The following CTSV variants were observed in gnomAD, a reference collection of about 807,000 sequenced individuals.
CTSV encodes cathepsin L2.
In CTSV, 33 loss-of-function variants were observed where a neutral mutation model predicts 35.6. That is an observed-to-expected ratio of 0.93 (90% CI 0.70 to 1.24). The LOEUF is 1.24. CTSV is among the 50% of genes most tolerant of loss of function. CTSV has a pLI of 0.00. For synonymous variants in CTSV, 154 were observed against 147.1 expected (o/e 1.05, Z -0.34); for missense variants, 408 against 413.1 (o/e 0.99, Z 0.11).
Position 97,038,067 on chromosome 9 carries a change from AGAAAT to A in CTSV, c.-10-19_-10-15del. On this transcript the variant is annotated splice_polypyrimidine_tract_variant and intron_variant, in intron 1 of 7. Coordinates refer to ENST00000259470, the MANE Select transcript of CTSV (RefSeq NM_001333.4). ...ATGTTTCAAAACCTAGAAAGAGAAA[AGAAAT>A]GAGTATCTGATTAGACCAATCCTAA... 6.2e-7 allele frequency: 1 copy of A among 1,611,560 alleles called. No individual in the cohort carries two copies. Among genetic ancestry groups the A allele is most frequent in the Non-Finnish European group, 8.5e-7 (1 of 1,178,146 alleles).
At chr9:97,034,876 G>A in intron 6 of CTSV, 33 bp from the exon 7 acceptor site, 2 of 1,554,622 alleles carry the variant, frequency 1.3e-6, no homozygotes, top group African/African-American at 1.4e-5. Context: ...GGGGTGAGAA[G>A]CTCCAAGCGA....
At chr9:97,035,729 C>A in intron 5 of CTSV, 36 bp from the exon 6 acceptor site, 1 of 1,330,710 alleles carries the variant, frequency 7.5e-7, no homozygotes, top group Non-Finnish European at 9.8e-7. Context: ...TTGATCACTA[C>A]CATCTACCTC....
Position 97,032,882 on chromosome 9 carries a change from T to C in CTSV, c.*67A>G, listed in dbSNP as rs1244924869. Reference sequence around the variant, plus strand: ...TTTATCTTACACAATAAGCGTTTGGTCAGTTTCAAGATAAAATTTCCCCAG... The same window carrying C: ...TTTATCTTACACAATAAGCGTTTGGCCAGTTTCAAGATAAAATTTCCCCAG... On this transcript the variant is annotated 3_prime_UTR_variant, in exon 8 of 8. Transcript: ENST00000259470. The C allele has an allele frequency of 2.7e-6, 3 of 1,106,410 alleles. No homozygotes were observed. Among genetic ancestry groups the C allele is most frequent in the Non-Finnish European group, 4.0e-6 (3 of 755,170 alleles). The allele number at this position is 1,106,410 out of a possible 1,614,324, so 68.5% of individuals were successfully genotyped here.
At chr9:97,035,763 C>G in intron 5 of CTSV, 70 bp from the exon 6 acceptor site, 2 of 1,126,296 alleles carry the variant, frequency 1.8e-6, no homozygotes, top group Non-Finnish European at 2.3e-6. Flanking sequence ...GTTCTAGAAC[C>G]GAAACACTCA....
At position 97,035,653 on chromosome 9, in the gene CTSV, T is replaced by A; in HGVS notation, c.662A>T (p.Asn221Ile). 6.3e-7 allele frequency: 1 copy of A among 1,593,484 alleles called. No homozygotes were observed. The highest frequency in any genetic ancestry group is 1.7e-4 in the Middle Eastern group (1 of 5,980). Residue 221 changes from asparagine to isoleucine, a missense_variant, in exon 6 of 8, where the codon AAT becomes ATT. Transcript: ENST00000259470. ...TGCGACCACTGTGAAGCCAGTGTCATTAGCAACAGAATTCTCAGGTCTGTA... is the reference window on the plus strand; with the variant it reads ...TGCGACCACTGTGAAGCCAGTGTCAATAGCAACAGAATTCTCAGGTCTGTA... Reference protein sequence around the residue: ...CKYRPENSVANDTGFTVVAPG... With the variant: ...CKYRPENSVAIDTGFTVVAPG...
rs1224553992 is a variant in CTSV, at chr9:97,037,318, CAG to C, written c.328_329del (p.Leu110ValfsTer3). The C allele has an allele frequency of 1.2e-6, 2 of 1,614,052 alleles. No individual in the cohort carries two copies. The highest frequency in any genetic ancestry group is 1.3e-5 in the African/African-American group (1 of 74,912). ...FRKGKVFREPLFLDLPKSVDW... is the reference protein window; with the variant it reads ...FRKGKVFREPXFLDLPKSVDW... ...CCACAGATTTGGGAAGATCAAGAAA[CAG>C]AGGCTCACGGAACACTTTCCCCTTC... On this transcript the variant is annotated frameshift_variant, in exon 4 of 8. Coordinates refer to ENST00000259470, the MANE Select transcript of CTSV (RefSeq NM_001333.4). LOFTEE classifies it high-confidence loss of function.
intron 7 of CTSV, 71 bp downstream of exon 7, chr9:97,034,655 G>T: frequency 8.6e-7 from 1 of 1,158,228 alleles, no homozygotes; most frequent in Non-Finnish European, 1.3e-6. Flanking sequence ...TTTTGAAATT[G>T]AGCTTTTGTG....
rs1270991750 is a variant in CTSV, at chr9:97,032,952, C to T, written c.1002G>A (p.Val334=). 2 of 1,609,470 alleles carry T rather than the reference C, an allele frequency of 1.2e-6. No individual in the cohort carries two copies. Among genetic ancestry groups the T allele is most frequent in the Admixed American group, 1.7e-5 (1 of 59,250 alleles). ...TTCCTCCTCACCATCCATCAGCTCA[C>T]ACATTGGGGTAGCTGGCTGCTGTGG... ...GIATAASYPN[V] Residue 334 remains valine (V), a synonymous_variant, in exon 8 of 8, where the codon GTG becomes GTA. Coordinates refer to ENST00000259470, the MANE Select transcript of CTSV (RefSeq NM_001333.4).
intron 1 of CTSV, among the ~76,000 whole-genome samples, 166 bp downstream of exon 1, chr9:97,038,905 T>C (rs1318468794): frequency 1.3e-5 from 2 of 152,000 alleles, no homozygotes; most frequent in Non-Finnish European, 2.9e-5. Flanking sequence ...GGCGCCTCCC[T>C]GGGGTCTCCA....
chr9:97,033,380 G>A (rs1016664308), intron 7 of CTSV, among the ~76,000 whole-genome samples: 1 of 150,922 alleles, frequency 6.6e-6, no homozygotes, highest in South Asian at 2.1e-4. Context: ...AGGCTGAGGC[G>A]GGTGGATCAC....
rs749524740 is a variant in CTSV, at chr9:97,034,849, A to G, written c.788-6T>C. 6.2e-7 allele frequency: 1 copy of G among 1,611,250 alleles called. No individual in the cohort carries two copies. Among genetic ancestry groups the G allele is most frequent in the Non-Finnish European group, 8.5e-7 (1 of 1,177,522 alleles). On this transcript the variant is annotated splice_polypyrimidine_tract_variant and splice_region_variant and intron_variant, in intron 6 of 7. Coordinates refer to ENST00000259470, the MANE Select transcript of CTSV (RefSeq NM_001333.4). Reference sequence around the variant, plus strand: ...GTCTGGTTCAAAATAAATGCCTGGGAGAGTAAAATTAATGCTGGGGTGAGA... The same window carrying G: ...GTCTGGTTCAAAATAAATGCCTGGGGGAGTAAAATTAATGCTGGGGTGAGA...
chr9:97,032,962 T>C lies in CTSV; in HGVS notation c.992A>G (p.Tyr331Cys). The C allele has an allele frequency of 6.2e-7, 1 of 1,611,942 alleles. No individual in the cohort carries two copies. Reference sequence around the variant, plus strand: ...CCATCCATCAGCTCACACATTGGGGTAGCTGGCTGCTGTGGCGATTCCACA... The same window carrying C: ...CCATCCATCAGCTCACACATTGGGGCAGCTGGCTGCTGTGGCGATTCCACA... ...NHCGIATAAS[Y>C]PNV The change falls in exon 8 of 8, where the codon TAC (tyrosine) becomes TGC (cysteine). Residue 331 changes from tyrosine (Y) to cysteine (C), a missense_variant. By Grantham distance (194) the Tyr-to-Cys change is radical. Coordinates refer to ENST00000259470, the MANE Select transcript of CTSV (RefSeq NM_001333.4).
rs369233756 is a variant in CTSV at position 97,035,676 on chromosome 9, G to C, written c.639C>G (p.Tyr213Ter). ...PYVAVDEICK[Y>*]RPENSVANDT... ...CATTAGCAACAGAATTCTCAGGTCT[G>C]TACTTACAGATTTCATCCTTTTAAA... Residue 213 changes from tyrosine to a stop codon, truncating the protein, a stop_gained, in exon 6 of 8, where the codon TAC becomes TAG. Transcript: ENST00000259470. LOFTEE classifies it high-confidence loss of function. 2 of 1,546,400 alleles carry C rather than the reference G, an allele frequency of 1.3e-6. No individual in the cohort carries two copies. Among genetic ancestry groups the C allele is most frequent in the Non-Finnish European group, 1.7e-6 (2 of 1,142,896 alleles).
At position 97,029,878 on chromosome 9, in the gene CTSV, A is replaced by G. The variant is rs1828711375; in HGVS notation, c.*3071T>C. Reference sequence around the variant, plus strand: ...TACTTTTCTGTTCAGATACACGAATACTTACCACTGTGTTACAACTGTGTA... The same window carrying G: ...TACTTTTCTGTTCAGATACACGAATGCTTACCACTGTGTTACAACTGTGTA... On this transcript the variant is annotated 3_prime_UTR_variant, in exon 8 of 8. Transcript: ENST00000259470. The G allele has an allele frequency of 6.6e-6, 1 of 152,230 alleles. No individual in the cohort carries two copies. The highest frequency in any genetic ancestry group is 1.5e-5 in the Non-Finnish European group (1 of 68,054). The allele number at this position is 152,230 out of a possible 1,614,324, so 9.4% of individuals were successfully genotyped here. A position where few individuals can be genotyped will look rare whatever the true frequency, so the allele number is the denominator to read the frequency against.
At chr9:97,035,479 G>A (rs1828829191) in intron 6 of CTSV, 49 bp downstream of exon 6, 5 of 1,368,846 alleles carry the variant, frequency 3.7e-6, no homozygotes, top group Non-Finnish European at 4.8e-6. Flanking sequence ...ATCAATCACA[G>A]TGATGCTTCC....
intron 7 of CTSV, 78 bp from the exon 8 acceptor site, chr9:97,033,126 T>C (rs1200283862): frequency 3.5e-6 from 3 of 864,156 alleles, no homozygotes; most frequent in Non-Finnish European, 5.7e-6. Flanking sequence ...TAGCTAATAC[T>C]TAAACAGTGC....
At chr9:97,036,172 G>C (rs529686839) in intron 5 of CTSV, among the ~76,000 whole-genome samples, 2 of 151,786 alleles carry the variant, frequency 1.3e-5, no homozygotes, top group Non-Finnish European at 2.9e-5. Flanking sequence ...CCGGGTTCAC[G>C]TCATTCTCCT....
chr9:97,034,765 G>C lies in CTSV; in HGVS notation c.866C>G (p.Ala289Gly). 6 of 1,613,990 alleles carry C rather than the reference G, an allele frequency of 3.7e-6. No individual in the cohort carries two copies. Among genetic ancestry groups the C allele is most frequent in the Non-Finnish European group, 5.1e-6 (6 of 1,179,980 alleles). The stretch of plus-strand genomic sequence containing the variant: ...CCAATACTTGCTGTTATTCGAATTT[G>C]CTCCTTCAAAGCCGTAGCCAACCAC... ...VLVVGYGFEGANSNNSKYWLV... is the reference protein window; with the variant it reads ...VLVVGYGFEGGNSNNSKYWLV... The change falls in exon 7 of 8, where the codon GCA becomes GGA. Residue 289 changes from alanine (A) to glycine (G), a missense_variant. Transcript: ENST00000259470.
chr9:97,036,846 A>C (rs80214893), intron 4 of CTSV, 99 bp from the exon 5 acceptor site: 17 of 1,086,544 alleles, frequency 1.6e-5, no homozygotes, highest in Middle Eastern at 3.1e-4. Flanking sequence ...AAAAAAAAAA[A>C]CCCATCGCCA....
Sources: allele counts gnomAD v4.1 joint callset (sites outside exome capture counted in the v4.1 genomes callset), GRCh38; gene constraint gnomAD v4.1.1; transcripts MANE v1.5; gene names NCBI Gene and HGNC (gene_info 2026-07-23, HGNC 2026-07-21).